Variants in THSD7A observed in about 807,000 individuals in gnomAD.
The protein encoded by THSD7A is thrombospondin type-1 domain-containing protein 7A.
In THSD7A, 96 loss-of-function variants were observed where a neutral mutation model predicts 231.3. The ratio of observed to expected loss-of-function variants is 0.41; its 90% CI spans 0.35 to 0.49. The LOEUF is 0.49. Ranked by LOEUF, THSD7A falls within the 20% of genes least tolerant of loss-of-function variation. THSD7A has a pLI of 0.05. For synonymous variants in THSD7A, 940 were observed against 743.3 expected (o/e 1.26, Z -4.30); for missense variants, 2,290 against 2,070.2 (o/e 1.11, Z -2.06).
In THSD7A at chr7:11,632,641, C is replaced by A. The variant is rs533621352; in HGVS notation, c.1022+3489G>T. ...CATTACAGATAATCTGCTGTCCTGT[C>A]TTATTTTTTACTTTAAAGAGAATGC... is the stretch of plus-strand genomic sequence containing the variant. On this transcript the variant is annotated intron_variant, in intron 2 of 27. Transcript: ENST00000423059. This position sits in a 1 kb window ranked among gnomAD's most constrained non-coding sequence, Gnocchi z 4.1. 6.6e-6 allele frequency among the ~76,000 whole-genome samples: 1 copy of A among 152,114 alleles called. No individual in the cohort carries two copies. The highest frequency in any genetic ancestry group is 1.5e-5 in the Non-Finnish European group (1 of 68,008).
chr7:11,810,064 A>G (rs1005793040), intron 1 of THSD7A, among the ~76,000 whole-genome samples: 1 of 152,166 alleles, frequency 6.6e-6, no homozygotes, highest in East Asian at 1.9e-4. Context: ...CTATGGAGAC[A>G]TTATAAGAGA....
In THSD7A at chr7:11,769,122, AAT is replaced by A. The variant is rs1219135740; in HGVS notation, c.190+62633_190+62634del. The stretch of plus-strand genomic sequence containing the variant: ...ACAGGCACCTGCCATAATTCCTGGC[AAT>A]ATATATATATATATATATATATATA... On this transcript the variant is annotated intron_variant, in intron 1 of 27. Transcript: ENST00000423059. 4.2e-3 allele frequency among the ~76,000 whole-genome samples: 152 copies of A among 35,888 alleles called. 1 individual carries two copies. The highest frequency in any genetic ancestry group is 6.1e-3 in the African/African-American group (60 of 9,794). 23.5% of individuals were successfully genotyped at this position (35,888 alleles called of 152,430 possible).
chr7:11,775,528 T>C (rs1312405825), intron 1 of THSD7A, among the ~76,000 whole-genome samples: 8 of 152,110 alleles, frequency 5.3e-5, no homozygotes, highest in African/African-American at 1.7e-4. Context: ...AGTAAGGAAA[T>C]TGTGATGCGT....
At chr7:11,597,755 A>T (rs1780416055) in intron 2 of THSD7A, among the ~76,000 whole-genome samples, 1 of 152,190 alleles carries the variant, frequency 6.6e-6, no homozygotes, top group Non-Finnish European at 1.5e-5. Flanking sequence ...CCATCTAGCC[A>T]TAAAGTGGAT....
chr7:11,750,244 T>G (rs1215634784), intron 1 of THSD7A, among the ~76,000 whole-genome samples: 1 of 151,856 alleles, frequency 6.6e-6, no homozygotes, highest in Non-Finnish European at 1.5e-5. Flanking sequence ...TAATTATTAT[T>G]AATACTATAA....
intron 1 of THSD7A, among the ~76,000 whole-genome samples, chr7:11,763,304 CTT>C (rs927695588): frequency 2.6e-5 from 4 of 152,166 alleles, no homozygotes; most frequent in African/African-American, 4.8e-5. Flanking sequence ...CTTACCAACT[CTT>C]TTCAATTTTC....
chr7:11,599,822 A>C (rs1044253205), intron 2 of THSD7A, among the ~76,000 whole-genome samples: 2 of 150,756 alleles, frequency 1.3e-5, no homozygotes, highest in African/African-American at 4.9e-5. Context: ...TTGCCAAAGG[A>C]GATTAACATT....
chr7:11,764,973 T>A (rs1462561872), intron 1 of THSD7A, among the ~76,000 whole-genome samples: 1 of 152,126 alleles, frequency 6.6e-6, no homozygotes, highest in Non-Finnish European at 1.5e-5. Flanking sequence ...TAGAAACTCT[T>A]AATGACAAAC....
intron 23 of THSD7A, among the ~76,000 whole-genome samples, chr7:11,392,765 G>T (rs1223500130): frequency 6.6e-6 from 1 of 152,198 alleles, no homozygotes; most frequent in African/African-American, 2.4e-5. Flanking sequence ...CAAAGCTGCT[G>T]GGAAGTTTGA....
chr7:11,636,252 A>C lies in THSD7A; in HGVS notation c.900T>G (p.Ile300Met). ...GVKDPEAREL[I>M]KKKRNRNRQN... ...GCCTGTTTCTGTTTCTCTTTTTCTT[A>C]ATAAGCTCGCGGGCTTCTGGATCCT... The change falls in exon 2 of 28, where the codon ATT becomes ATG. Residue 300 changes from isoleucine (I) to methionine (M), a missense_variant. Ile to Met is a conservative substitution (Grantham distance 10). Coordinates refer to ENST00000423059, the MANE Select transcript of THSD7A (RefSeq NM_015204.3). The surrounding 1 kb of genome is among the most constrained non-coding windows in gnomAD (Gnocchi z 10.0). 6.2e-7 allele frequency: 1 copy of C among 1,613,872 alleles called. No individual in the cohort carries two copies. The highest frequency in any genetic ancestry group is 1.3e-5 in the African/African-American group (1 of 74,992).
chr7:11,549,941 C>T (rs1233381062), intron 4 of THSD7A, among the ~76,000 whole-genome samples: 3 of 151,972 alleles, frequency 2.0e-5, no homozygotes, highest in Non-Finnish European at 4.4e-5. Context: ...AATGAATGCC[C>T]ACTCTCACCA....
intron 2 of THSD7A, among the ~76,000 whole-genome samples, chr7:11,622,635 A>G (rs1383711795): frequency 6.6e-6 from 1 of 152,064 alleles, no homozygotes; most frequent in African/African-American, 2.4e-5. Context: ...TAGGTACACT[A>G]CCTCTCCAGA....
intron 1 of THSD7A, among the ~76,000 whole-genome samples, chr7:11,726,600 G>A (rs1388927511): frequency 6.6e-6 from 1 of 151,916 alleles, no homozygotes; most frequent in African/African-American, 2.4e-5. Context: ...CTTGATTGAG[G>A]TGGACAATGA....
At position 11,667,564 on chromosome 7, in the gene THSD7A, A is replaced by G. The variant is rs532823318; in HGVS notation, c.191-30603T>C. Among the ~76,000 whole-genome samples the G allele has an allele frequency of 2.6e-5, 4 of 152,284 alleles. No individual in the cohort carries two copies. In the East Asian group the frequency reaches 7.7e-4, roughly 29 times the overall value. ...GTAGGGCAAGGTGGAAAGAAGAAAA[A>G]CATCTGTGCTCTGTAAAGCAATTGC... On this transcript the variant is annotated intron_variant, in intron 1 of 27. Coordinates refer to ENST00000423059, the MANE Select transcript of THSD7A (RefSeq NM_015204.3).
At chr7:11,763,104 A>T (rs1782918376) in intron 1 of THSD7A, among the ~76,000 whole-genome samples, 1 of 152,166 alleles carries the variant, frequency 6.6e-6, no homozygotes, top group Non-Finnish European at 1.5e-5. Flanking sequence ...GACAAAAGCT[A>T]ACAACCCCCC....
intron 19 of THSD7A, among the ~76,000 whole-genome samples, chr7:11,408,009 G>C (rs552603225): frequency 1.3e-5 from 2 of 151,998 alleles, no homozygotes; most frequent in South Asian, 2.1e-4. Context: ...TTAAAACAAA[G>C]ATTTTCACTT....
At chr7:11,424,465 T>C (rs1300249740) in intron 16 of THSD7A, among the ~76,000 whole-genome samples, 1 of 152,224 alleles carries the variant, frequency 6.6e-6, no homozygotes, top group Non-Finnish European at 1.5e-5. Context: ...CTGTTCCTTC[T>C]CTTTAAGAGT....
At chr7:11,701,824 C>T (rs1254855405) in intron 1 of THSD7A, among the ~76,000 whole-genome samples, 2 of 151,202 alleles carry the variant, frequency 1.3e-5, no homozygotes, top group Non-Finnish European at 3.0e-5. Context: ...AAAGTTGCCT[C>T]ATGTGATGAA....
intron 9 of THSD7A, among the ~76,000 whole-genome samples, chr7:11,466,345 T>C (rs1187058245): frequency 6.6e-6 from 1 of 152,182 alleles, no homozygotes; most frequent in Non-Finnish European, 1.5e-5. Flanking sequence ...TATTTCCATT[T>C]CTTATGAAAT....
Sources: gnomAD v4.1 joint callset for allele counts (sites outside exome capture counted in the v4.1 genomes callset) on GRCh38, gnomAD v4.1.1 for gene constraint, Gnocchi (gnomAD v3.1) non-coding constraint, MANE v1.5 for transcripts, NCBI Gene and HGNC (gene_info 2026-07-23, HGNC 2026-07-21) for gene names.